The following TC2N variants were observed in gnomAD, a reference collection of about 807,000 sequenced individuals.
TC2N encodes tandem C2 domains nuclear protein.
Under a neutral mutation model 61.9 loss-of-function variants are expected in TC2N, and 51 were observed. The ratio of observed to expected loss-of-function variants is 0.82; its 90% CI spans 0.66 to 1.04. TC2N has a LOEUF of 1.04. Among genes scored for constraint, TC2N ranks in the 50% least tolerant of loss-of-function variants. The probability of loss-of-function intolerance (pLI) is 0.00; values close to 1 mark genes in which losing one functional copy is unlikely to be tolerated. For missense variants in TC2N, 556 were observed against 566.7 expected (o/e 0.98, Z 0.19); for synonymous variants, 204 against 192.6 (o/e 1.06, Z -0.49).
intron 8 of TC2N, 54 bp downstream of exon 8, chr14:91,797,731 A>C: frequency 9.4e-7 from 1 of 1,067,276 alleles, no homozygotes; most frequent in East Asian, 2.6e-5. Flanking sequence ...TAAAAGTGAC[A>C]AATATAAAAA....
chr14:91,829,226 CTCAT>C (rs1887638733), intron 1 of TC2N, among the ~76,000 whole-genome samples: 1 of 151,940 alleles, frequency 6.6e-6, no homozygotes, highest in South Asian at 2.1e-4. Flanking sequence ...CTGAAAAATT[CTCAT>C]TCATTATCTC....
chr14:91,808,696 A>T (rs1886630694), intron 3 of TC2N, among the ~76,000 whole-genome samples: 1 of 152,206 alleles, frequency 6.6e-6, no homozygotes, highest in Non-Finnish European at 1.5e-5. Flanking sequence ...TTCAACTCAA[A>T]AAGCAATGTT....
In TC2N at chr14:91,826,424, C is replaced by T. The variant is rs928133368; in HGVS notation, c.-56-12599G>A. On this transcript the variant is annotated intron_variant, in intron 1 of 11. Transcript: ENST00000435962. ...GATGCATCTAAAAAGAAAACTCCAA[C>T]TATGACTGTGGATATATCTATTTCT... is the stretch of plus-strand genomic sequence containing the variant. Among the ~76,000 whole-genome samples, 22 of 151,362 alleles carry T rather than the reference C, an allele frequency of 1.5e-4. 1 individual carries two copies. The highest frequency in any genetic ancestry group is 3.1e-4 in the Non-Finnish European group (21 of 67,866).
chr14:91,836,673 G>C (rs1888038249), intron 1 of TC2N: 1 of 152,172 alleles, frequency 6.6e-6, no homozygotes, highest in Non-Finnish European at 1.5e-5. Context: ...GGCTGGGCGC[G>C]GAGGGGCGGG....
intron 1 of TC2N, among the ~76,000 whole-genome samples, chr14:91,851,518 G>A (rs1207129981): frequency 2.6e-5 from 4 of 152,128 alleles, no homozygotes; most frequent in East Asian, 1.9e-4. Context: ...TGCTGTTGCC[G>A]TAGCGTCGGA....
chr14:91,837,446 C>T lies in TC2N; in HGVS notation c.-56-23621G>A, dbSNP rs1259006308. 6.6e-6 allele frequency among the ~76,000 whole-genome samples: 1 copy of T among 152,206 alleles called. No individual in the cohort carries two copies. Among genetic ancestry groups the T allele is most frequent in the Admixed American group, 6.5e-5 (1 of 15,292 alleles). On this transcript the variant is annotated intron_variant, in intron 1 of 11. Coordinates refer to ENST00000435962, the MANE Select transcript of TC2N (RefSeq NM_001128596.3). The surrounding 1 kb of genome is among the most constrained non-coding windows in gnomAD (Gnocchi z 4.2). Reference sequence around the variant, plus strand: ...TATGGCCCAGGCTAGTCTTGAACTCCTGGACTCACGTGATCCTCCCACCTC... The same window carrying T: ...TATGGCCCAGGCTAGTCTTGAACTCTTGGACTCACGTGATCCTCCCACCTC...
Position 91,837,548 on chromosome 14 carries a change from A to G in TC2N, c.-56-23723T>C, listed in dbSNP as rs1888070179. ...CCACGGTGCCAGCCTGGGTGGTGGG[A>G]CTGTAAAATTGAAAGAAAGGTTCAT... On this transcript the variant is annotated intron_variant, in intron 1 of 11. Coordinates refer to ENST00000435962, the MANE Select transcript of TC2N (RefSeq NM_001128596.3). The surrounding 1 kb of genome is among the most constrained non-coding windows in gnomAD (Gnocchi z 4.2). 6.6e-6 allele frequency among the ~76,000 whole-genome samples: 1 copy of G among 152,088 alleles called. No homozygotes were observed. Among genetic ancestry groups the G allele is most frequent in the East Asian group, 1.9e-4 (1 of 5,192 alleles).
At chr14:91,835,780 T>C (rs1336459702) in intron 1 of TC2N, among the ~76,000 whole-genome samples, 2 of 152,246 alleles carry the variant, frequency 1.3e-5, no homozygotes, top group African/African-American at 4.8e-5. Context: ...AAAAACCCTC[T>C]GCGAAGCTCT....
At chr14:91,857,664 G>A (rs1888508415) in intron 1 of TC2N, among the ~76,000 whole-genome samples, 1 of 152,188 alleles carries the variant, frequency 6.6e-6, no homozygotes, top group South Asian at 2.1e-4. Context: ...TGGCAGGGTT[G>A]AGACCCAAAT....
At chr14:91,832,054 G>A (rs909278228) in intron 1 of TC2N, among the ~76,000 whole-genome samples, 1 of 152,012 alleles carries the variant, frequency 6.6e-6, no homozygotes, top group African/African-American at 2.4e-5. Context: ...AACTGACAAG[G>A]GATTCACATC....
chr14:91,786,627 T>C (rs1351841412), intron 10 of TC2N, among the ~76,000 whole-genome samples: 4 of 152,316 alleles, frequency 2.6e-5, no homozygotes, highest in Middle Eastern at 3.4e-3. Flanking sequence ...TTATTTTACA[T>C]AGATACCCAA....
At chr14:91,799,212 G>GTA in intron 5 of TC2N, 148 bp from the exon 6 acceptor site, 1 of 398,284 alleles carries the variant, frequency 2.5e-6, no homozygotes, top group East Asian at 4.3e-5. Flanking sequence ...TACAGGTAGT[G>GTA]GAAAAAAAAA....
At chr14:91,833,454 C>G (rs535637206) in intron 1 of TC2N, among the ~76,000 whole-genome samples, 3 of 151,546 alleles carry the variant, frequency 2.0e-5, no homozygotes, top group African/African-American at 7.3e-5. Context: ...TATAATTTAC[C>G]TACAGTAAAT....
At chr14:91,844,491 T>C (rs1888226748) in intron 1 of TC2N, among the ~76,000 whole-genome samples, 1 of 152,090 alleles carries the variant, frequency 6.6e-6, no homozygotes, top group African/African-American at 2.4e-5. Flanking sequence ...GGGCCCAACG[T>C]GGTGGCTCAC....
rs1486027340 is a variant in TC2N at position 91,800,334 on chromosome 14, C to A, written c.508G>T (p.Gly170Trp). Reference protein sequence around the residue: ...LRTNKLPGSPGLSKSMFDLTN... With the variant: ...LRTNKLPGSPWLSKSMFDLTN... ...AGATCAAACATAGATTTGCTTAGCC[C>A]AGGGGAACCGGGAAGTTTGTTCGTC... Residue 170 changes from glycine to tryptophan, a missense_variant, in exon 5 of 12, where the codon GGG becomes TGG. Transcript: ENST00000435962. 6.2e-6 allele frequency: 10 copies of A among 1,604,438 alleles called. No individual in the cohort carries two copies. The Admixed American group carries it at 1.7e-4, about 27-fold the overall frequency.
At chr14:91,797,710 G>GC in intron 8 of TC2N, 75 bp downstream of exon 8, 1 of 968,428 alleles carries the variant, frequency 1.0e-6, no homozygotes, top group Non-Finnish European at 1.6e-6. Flanking sequence ...ATTCTGACTT[G>GC]TTTACATGGG....
At chr14:91,789,085 A>AT (rs1017335570) in intron 9 of TC2N, among the ~76,000 whole-genome samples, 4 of 152,136 alleles carry the variant, frequency 2.6e-5, no homozygotes, top group African/African-American at 9.7e-5. Context: ...TTTTTTTATT[A>AT]TTTTTTATTA....
Position 91,802,362 on chromosome 14 carries a change from C to T in TC2N, c.361G>A (p.Gly121Arg), listed in dbSNP as rs756647636. ...GGGTTATACACATCATAGCTAGGTC[C>T]GTGCTGGGATGAACTGGAAAGTTCT... ...KVELSSSSQHGPSYDVYNPFY... is the reference protein window; with the variant it reads ...KVELSSSSQHRPSYDVYNPFY... Residue 121 changes from glycine (G) to arginine (R), a missense_variant, in exon 4 of 12, where the codon GGA becomes AGA. By Grantham distance (125) the Gly-to-Arg change is moderately radical (BLOSUM62 -2). Transcript: ENST00000435962. 2.7e-5 allele frequency: 44 copies of T among 1,612,102 alleles called. No individual in the cohort carries two copies. In the Admixed American group the frequency reaches 5.7e-4, roughly 21 times the overall value.
At chr14:91,791,562 G>A (rs546453553) in intron 9 of TC2N, among the ~76,000 whole-genome samples, 31 of 151,932 alleles carry the variant, frequency 2.0e-4, no homozygotes, top group African/African-American at 7.5e-4. Context: ...GTCCCAATCA[G>A]CACCATTAGG....
Sources: gnomAD v4.1 joint callset for allele counts (sites outside exome capture counted in the v4.1 genomes callset) on GRCh38, gnomAD v4.1.1 for gene constraint, Gnocchi (gnomAD v3.1) non-coding constraint, MANE v1.5 for transcripts, NCBI Gene and HGNC (gene_info 2026-07-23, HGNC 2026-07-21) for gene names.